SLC47A2: variants seen among roughly 807,000 people sequenced by gnomAD.
The protein encoded by SLC47A2 is solute carrier family 47 member 2, also known as multidrug and toxin extrusion protein 2.
A neutral mutation model predicts 67.7 loss-of-function variants in SLC47A2; 52 were observed. That is an observed-to-expected ratio of 0.77 (90% CI 0.61 to 0.97). SLC47A2 has a LOEUF of 0.97. Ranked by LOEUF, SLC47A2 falls within the 50% of genes least tolerant of loss-of-function variation. The pLI, the probability that SLC47A2 is intolerant of heterozygous loss-of-function variation, is 0.00. For synonymous variants in SLC47A2, 278 were observed against 292.9 expected (o/e 0.95, Z 0.52); for missense variants, 676 against 712.3 (o/e 0.95, Z 0.58).
Position 19,678,707 on chromosome 17 carries a change from C to G in SLC47A2, c.1680G>C (p.Arg560Ser). The change falls in exon 17 of 17, where the codon AGG (arginine) becomes AGC (serine). Residue 560 changes from arginine to serine, a missense_variant. Coordinates refer to ENST00000433844, the MANE Select transcript of SLC47A2 (RefSeq NM_001099646.3). Reference protein sequence around the residue: ...SATLMVGLTVRILATRH With the variant: ...SATLMVGLTVSILATRH The stretch of plus-strand genomic sequence containing the variant: ...TTTGCTAGTGCCTGGTGGCTAGGAT[C>G]CTGACCGTGAGCCCCACCATCAGTG... The G allele has an allele frequency of 6.2e-7, 1 of 1,612,984 alleles. No homozygotes were observed. The highest frequency in any genetic ancestry group is 8.5e-7 in the Non-Finnish European group (1 of 1,180,010).
In SLC47A2 at chr17:19,702,637, A is replaced by T. The variant is rs895012717; in HGVS notation, c.1132T>A (p.Tyr378Asn). The change falls in exon 13 of 17, where the codon TAT becomes AAT. Residue 378 changes from tyrosine to asparagine, a missense_variant. Transcript: ENST00000433844. ...GCCTCAAACACGTGAAAGACACTAT[A>T]AACCGGCAAGACCTGGCTCACCAGG... is the stretch of plus-strand genomic sequence containing the variant. Reference protein sequence around the residue: ...IALVSQVLPVYSVFHVFEAIC... With the variant: ...IALVSQVLPVNSVFHVFEAIC... The T allele has an allele frequency of 6.2e-7, 1 of 1,613,988 alleles. No individual in the cohort carries two copies. The highest frequency in any genetic ancestry group is 8.5e-7 in the Non-Finnish European group (1 of 1,180,012).
intron 4 of SLC47A2, 115 bp downstream of exon 4, chr17:19,713,710 T>C: frequency 7.0e-7 from 1 of 1,425,432 alleles, no homozygotes; most frequent in African/African-American, 1.4e-5. Context: ...CCGTGCACTG[T>C]GAGCACTCGT....
In SLC47A2 at chr17:19,682,366, A is replaced by ACAC. The variant is rs1555537233; in HGVS notation, c.1165-697_1165-696insGTG. Among the ~76,000 whole-genome samples, 165 of 96,156 alleles carry ACAC rather than the reference A, an allele frequency of 1.7e-3. 1 individual carries two copies. The highest frequency in any genetic ancestry group is 4.7e-3 in the African/African-American group (125 of 26,388). The allele number at this position is 96,156 out of a possible 152,430, so 63.1% of individuals were successfully genotyped here. Reference sequence around the variant, plus strand: ...ACACACACACACACACACACACACAAATTTATTATTTTATTTTACAGTTCT... The same window carrying ACAC: ...ACACACACACACACACACACACACAACACATTTATTATTTTATTTTACAGTTCT... On this transcript the variant is annotated intron_variant, in intron 13 of 16. Coordinates refer to ENST00000433844, the MANE Select transcript of SLC47A2 (RefSeq NM_001099646.3).
At chr17:19,714,866 A>G (rs1333673517) in intron 2 of SLC47A2, 77 bp from the exon 3 acceptor site, 3 of 1,593,938 alleles carry the variant, frequency 1.9e-6, no homozygotes, top group Non-Finnish European at 2.6e-6. Flanking sequence ...GGGCTGAGCC[A>G]GGGTCAGGAA....
chr17:19,700,135 C>A (rs1311614133), intron 13 of SLC47A2, among the ~76,000 whole-genome samples: 1 of 152,172 alleles, frequency 6.6e-6, no homozygotes, highest in African/African-American at 2.4e-5. Flanking sequence ...ACAAAACAGT[C>A]TCCAGGAAAT....
At chr17:19,705,368 C>A (rs1182550818) in intron 10 of SLC47A2, 68 bp downstream of exon 10, 3 of 1,506,896 alleles carry the variant, frequency 2.0e-6, no homozygotes, top group African/African-American at 2.8e-5. Context: ...GACAGCCTGC[C>A]CCCCTCCTAT....
chr17:19,682,263 C>G (rs1222017384), intron 13 of SLC47A2, among the ~76,000 whole-genome samples: 3 of 151,644 alleles, frequency 2.0e-5, no homozygotes, highest in African/African-American at 7.3e-5. Flanking sequence ...GAGGCTAAGG[C>G]ACGAGAATTG....
At position 19,711,588 on chromosome 17, in the gene SLC47A2, C is replaced by CAAAAAAAAAAAAAAA. The variant is rs35308426; in HGVS notation, c.486+1100_486+1114dup. Among the ~76,000 whole-genome samples, 10 of 33,002 alleles carry CAAAAAAAAAAAAAAA rather than the reference C, an allele frequency of 3.0e-4. 1 individual carries two copies. Among genetic ancestry groups the CAAAAAAAAAAAAAAA allele is most frequent in the Admixed American group, 8.8e-4 (2 of 2,260 alleles). 21.7% of individuals were successfully genotyped at this position (33,002 alleles called of 152,430 possible). ...TGGATGACAGAGCAAAACTCCGTCT[C>CAAAAAAAAAAAAAAA]AAAAAAAAAAAAAAAAAAAAAAAAA... On this transcript the variant is annotated intron_variant, in intron 5 of 16. Transcript: ENST00000433844.
Position 19,704,088 on chromosome 17 carries a change from A to C in SLC47A2, c.1000T>G (p.Ser334Ala). ...DTVQAKRSAV[S>A]GVLSIVGISL... is the part of the protein sequence containing the mutation. ...CACCTACCTATGCTGAGCACGCCCG[A>C]GACGGCCGAGCGCTTGGCCTGCACA... The change falls in exon 11 of 17, where the codon TCG becomes GCG. Residue 334 changes from serine to alanine, a missense_variant. Coordinates refer to ENST00000433844, the MANE Select transcript of SLC47A2 (RefSeq NM_001099646.3). 6.2e-7 allele frequency: 1 copy of C among 1,610,114 alleles called. No homozygotes were observed. Among genetic ancestry groups the C allele is most frequent in the Middle Eastern group, 1.7e-4 (1 of 6,056 alleles).
intron 13 of SLC47A2, among the ~76,000 whole-genome samples, chr17:19,696,899 G>C (rs1007023181): frequency 1.3e-5 from 2 of 152,188 alleles, no homozygotes; most frequent in Admixed American, 6.5e-5. Flanking sequence ...TCATCCCAAT[G>C]CCTGAAGGGC....
chr17:19,716,180 C>T, intron 1 of SLC47A2: 1 of 489,816 alleles, frequency 2.0e-6, no homozygotes, highest in Non-Finnish European at 3.5e-6. Flanking sequence ...GGGTTTCCAG[C>T]TGAGGCACAC....
At chr17:19,682,230 G>A (rs922571088) in intron 13 of SLC47A2, among the ~76,000 whole-genome samples, 77 of 151,668 alleles carry the variant, frequency 5.1e-4, no homozygotes, top group African/African-American at 1.8e-3. Context: ...AGGCAAGGTG[G>A]CACTGTAATC....
chr17:19,695,232 CACAA>C (rs1371869558), intron 13 of SLC47A2, among the ~76,000 whole-genome samples: 1 of 151,634 alleles, frequency 6.6e-6, no homozygotes, highest in East Asian at 1.9e-4. Flanking sequence ...ATGTTCTCAC[CACAA>C]GAAAATTAGA....
intron 5 of SLC47A2, among the ~76,000 whole-genome samples, chr17:19,710,931 C>A (rs999058664): frequency 1.3e-5 from 2 of 151,900 alleles, no homozygotes; most frequent in Non-Finnish European, 2.9e-5. Context: ...CTGCCTCAGC[C>A]TCCGAGTAAC....
At chr17:19,704,696 T>C in intron 10 of SLC47A2, 6 of 1,549,472 alleles carry the variant, frequency 3.9e-6, no homozygotes, top group Non-Finnish European at 5.2e-6. Flanking sequence ...GCTGTGTCTC[T>C]GTGGGGAGTA....
chr17:19,709,241 C>A (rs2152357173), intron 5 of SLC47A2, among the ~76,000 whole-genome samples: 1 of 152,322 alleles, frequency 6.6e-6, no homozygotes, highest in Middle Eastern at 3.4e-3. Flanking sequence ...CTATGCTAAG[C>A]AGGTTCAAGA....
At chr17:19,703,743 G>A (rs1460499455) in intron 11 of SLC47A2, among the ~76,000 whole-genome samples, 1 of 152,232 alleles carries the variant, frequency 6.6e-6, no homozygotes, top group Non-Finnish European at 1.5e-5. Context: ...TGCTGGGCAG[G>A]AAGGGCCGTC....
At chr17:19,702,540 G>A in intron 13 of SLC47A2, 65 bp downstream of exon 13, 1 of 1,597,274 alleles carries the variant, frequency 6.3e-7, no homozygotes, top group Non-Finnish European at 8.5e-7. Flanking sequence ...GCGAGGTCCT[G>A]GGGAGGGCAC....
At chr17:19,693,431 AT>A (rs1345097699) in intron 13 of SLC47A2, among the ~76,000 whole-genome samples, 1 of 152,044 alleles carries the variant, frequency 6.6e-6, no homozygotes, top group Non-Finnish European at 1.5e-5. Context: ...TTTCCCCTTA[AT>A]AGTGGAATCA....
Sources: gnomAD v4.1 joint callset for allele counts (sites outside exome capture counted in the v4.1 genomes callset) on GRCh38, gnomAD v4.1.1 for gene constraint, MANE v1.5 for transcripts, NCBI Gene and HGNC (gene_info 2026-07-23, HGNC 2026-07-21) for gene names.